PEAK1: variants seen among roughly 807,000 people sequenced by gnomAD.
The protein encoded by PEAK1 is inactive tyrosine-protein kinase PEAK1.
PEAK1 carries 54 observed loss-of-function variants against 124.7 expected under a neutral mutation model. The observed-to-expected ratio is 0.43, with a 90% CI of 0.35 to 0.54. PEAK1 has a LOEUF of 0.54. PEAK1 is among the 20% of genes least tolerant of loss of function. PEAK1 has a pLI of 0.01. For synonymous variants in PEAK1, 719 were observed against 760.0 expected, an observed-to-expected ratio of 0.95 and a Z score of 0.89; for missense variants, 2,046 against 2,134.5, an observed-to-expected ratio of 0.96 and a Z score of 0.82.
chr15:77,347,811 G>C (rs1420715159), intron 2 of PEAK1: 8 of 984,782 alleles, frequency 8.1e-6, no homozygotes, highest in Non-Finnish European at 6.0e-6. Context: ...TCCTTCTATA[G>C]CAAGCACAAA....
chr15:77,346,684 G>GT (rs1176876595), intron 2 of PEAK1: 5 of 983,632 alleles, frequency 5.1e-6, no homozygotes, highest in Non-Finnish European at 6.0e-6. Context: ...AACATTAATT[G>GT]TATCTTCCTG....
chr15:77,348,411 T>C (rs1235093997), intron 2 of PEAK1: 4 of 915,866 alleles, frequency 4.4e-6, no homozygotes, highest in Non-Finnish European at 5.2e-6. Context: ...GCAAGGGAAA[T>C]GTCTTTAAAA....
Position 77,115,023 on chromosome 15 carries a change from GT to G in PEAK1, c.4373del (p.His1458ProfsTer62). 1 of 1,614,122 alleles carries G rather than the reference GT, an allele frequency of 6.2e-7. No homozygotes were observed. Among genetic ancestry groups the G allele is most frequent in the Non-Finnish European group, 8.5e-7 (1 of 1,180,026 alleles). On this transcript the variant is annotated frameshift_variant, in exon 10 of 10. Transcript: ENST00000682557. LOFTEE classifies it high-confidence loss of function. Reference sequence around the variant, plus strand: ...GAACCTCCCTGGTGATGACCACAACGTGGCTCCTCTGCTTCTTGCTCATGAC... The same window carrying G: ...GAACCTCCCTGGTGATGACCACAACGGGCTCCTCTGCTTCTTGCTCATGAC... ...QGVMSKKQRS[H>X]VVVITREVPC... is the part of the protein sequence containing the mutation.
chr15:77,125,977 T>C (rs1217799298), intron 9 of PEAK1, among the ~76,000 whole-genome samples: 1 of 152,144 alleles, frequency 6.6e-6, no homozygotes, highest in Non-Finnish European at 1.5e-5. Flanking sequence ...ACAGGTGCTG[T>C]TTATAATTGG....
At chr15:77,163,627 C>T (rs1044574929) in intron 7 of PEAK1, among the ~76,000 whole-genome samples, 6 of 152,190 alleles carry the variant, frequency 3.9e-5, no homozygotes, top group Non-Finnish European at 8.8e-5. Flanking sequence ...CACATTAGAA[C>T]AGGATAAGGC....
At chr15:77,188,245 A>C (rs1434693956) in intron 6 of PEAK1, among the ~76,000 whole-genome samples, 1 of 152,186 alleles carries the variant, frequency 6.6e-6, no homozygotes, top group East Asian at 1.9e-4. Context: ...ACTTAATGAA[A>C]TCTCCAGAAG....
intron 2 of PEAK1, among the ~76,000 whole-genome samples, chr15:77,290,690 C>T (rs573202119): frequency 9.2e-5 from 14 of 152,210 alleles, no homozygotes; most frequent in Non-Finnish European, 1.3e-4. Context: ...GCTGGGACTA[C>T]GGGTGCACAC....
intron 2 of PEAK1, among the ~76,000 whole-genome samples, chr15:77,304,213 A>G (rs2063942772): frequency 6.6e-6 from 1 of 152,216 alleles, no homozygotes; most frequent in Non-Finnish European, 1.5e-5. Context: ...GACGTCTACA[A>G]AATAGCTTGC....
chr15:77,313,754 T>TCATC (rs2064686403), intron 2 of PEAK1, among the ~76,000 whole-genome samples: 1 of 124,960 alleles, frequency 8.0e-6, no homozygotes, highest in Admixed American at 8.6e-5. Flanking sequence ...ATTTATTTAT[T>TCATC]TATTTTTAGT....
intron 2 of PEAK1, among the ~76,000 whole-genome samples, chr15:77,341,270 C>T (rs371965056): frequency 9.2e-5 from 14 of 151,972 alleles, no homozygotes; most frequent in East Asian, 1.9e-4. Context: ...CTTTGGGAGG[C>T]GGGTGGATCA....
rs1280980588 is a variant in PEAK1, at chr15:77,111,403, T to A, written c.*2753A>T. ...CTGAAGACCAACTCATGTAGTACTTTTTGCCTAGAAATATAGTTTCTTTCT... is the reference window on the plus strand; with the variant it reads ...CTGAAGACCAACTCATGTAGTACTTATTGCCTAGAAATATAGTTTCTTTCT... On this transcript the variant is annotated 3_prime_UTR_variant, in exon 10 of 10. Coordinates refer to ENST00000682557, the MANE Select transcript of PEAK1 (RefSeq NM_001385026.1). The A allele has an allele frequency of 6.6e-6, 1 of 152,230 alleles. No individual in the cohort carries two copies. Among genetic ancestry groups the A allele is most frequent in the Non-Finnish European group, 1.5e-5 (1 of 68,038 alleles). The allele number at this position is 152,230 out of a possible 1,614,324, so 9.4% of individuals were successfully genotyped here. A position where few individuals can be genotyped will look rare whatever the true frequency, so the allele number is the denominator to read the frequency against.
chr15:77,358,616 G>A (rs1219975818), intron 2 of PEAK1, among the ~76,000 whole-genome samples: 2 of 152,140 alleles, frequency 1.3e-5, no homozygotes, highest in Non-Finnish European at 2.9e-5. Flanking sequence ...ATTTAAAAAT[G>A]AAAATGACAA....
chr15:77,128,511 T>C (rs1176413931), intron 9 of PEAK1, among the ~76,000 whole-genome samples: 1 of 152,190 alleles, frequency 6.6e-6, no homozygotes, highest in Non-Finnish European at 1.5e-5. Flanking sequence ...TGCCTCAGTA[T>C]TGCGCCACTA....
intron 5 of PEAK1, among the ~76,000 whole-genome samples, chr15:77,257,514 A>T (rs1476341147): frequency 2.6e-4 from 40 of 151,240 alleles, no homozygotes; most frequent in Non-Finnish European, 3.0e-5. Flanking sequence ...TTTTGGCTGC[A>T]TAAATGTCTT....
intron 6 of PEAK1, among the ~76,000 whole-genome samples, chr15:77,185,439 A>C (rs1043039912): frequency 3.9e-5 from 6 of 152,238 alleles, no homozygotes; most frequent in African/African-American, 1.4e-4. Context: ...CTAACAGCCA[A>C]GGTGTGATGA....
intron 8 of PEAK1, among the ~76,000 whole-genome samples, chr15:77,147,452 AT>A (rs1231175857): frequency 6.6e-6 from 1 of 152,214 alleles, no homozygotes; most frequent in Non-Finnish European, 1.5e-5. Flanking sequence ...TTACAAAGTG[AT>A]TGAAGGAGCG....
intron 2 of PEAK1, chr15:77,351,999 T>C (rs2067239516): frequency 6.2e-6 from 6 of 963,842 alleles, no homozygotes; most frequent in Non-Finnish European, 6.2e-6. Flanking sequence ...GGCGGGAGTA[T>C]AGCTTGAGCC....
intron 6 of PEAK1, among the ~76,000 whole-genome samples, chr15:77,215,635 A>T (rs1460870955): frequency 6.6e-6 from 1 of 152,226 alleles, no homozygotes; most frequent in Non-Finnish European, 1.5e-5. Flanking sequence ...AATATTTTCG[A>T]TCTGTGGTTG....
intron 2 of PEAK1, among the ~76,000 whole-genome samples, chr15:77,308,346 C>G (rs1388594786): frequency 1.3e-5 from 2 of 152,016 alleles, no homozygotes; most frequent in African/African-American, 4.8e-5. Context: ...TAGTCCATGC[C>G]CATGTAGGCG....
Sources: allele counts gnomAD v4.1 joint callset (sites outside exome capture counted in the v4.1 genomes callset), GRCh38; gene constraint gnomAD v4.1.1; transcripts MANE v1.5; gene names NCBI Gene and HGNC (gene_info 2026-07-23, HGNC 2026-07-21).